The following SCN4B variants were observed in gnomAD, a reference collection of about 807,000 sequenced individuals.
SCN4B encodes the protein sodium channel regulatory subunit beta-4.
A neutral mutation model predicts 19.6 loss-of-function variants in SCN4B; 20 were observed. The ratio of observed to expected loss-of-function variants is 1.02; its 90% CI spans 0.72 to 1.48. SCN4B has a LOEUF of 1.48. Among genes scored for constraint, SCN4B ranks in the 40% most tolerant of loss-of-function variants. The pLI, the probability that SCN4B is intolerant of heterozygous loss-of-function variation, is 0.00. For missense variants in SCN4B, 271 were observed against 287.5 expected, an observed-to-expected ratio of 0.94 and a Z score of 0.42; for synonymous variants, 127 against 122.8, an observed-to-expected ratio of 1.03 and a Z score of -0.22.
intron 1 of SCN4B, among the ~76,000 whole-genome samples, chr11:118,147,940 C>G (rs531732409): frequency 1.3e-5 from 2 of 152,152 alleles, no homozygotes; most frequent in East Asian, 3.8e-4. Context: ...AAGATGCGTG[C>G]GAAAAGGAAA....
intron 4 of SCN4B, among the ~76,000 whole-genome samples, chr11:118,139,992 C>T (rs1281199222): frequency 6.6e-6 from 1 of 151,636 alleles, no homozygotes; most frequent in African/African-American, 2.4e-5. Flanking sequence ...CCTGCCTCAG[C>T]CCCCCAGGGA....
rs1565452475 is a variant in SCN4B at position 118,136,043 on chromosome 11, G to GGGGC, written c.*983_*984insGCCC. 4.6e-6 allele frequency: 2 copies of GGGGC among 438,512 alleles called. No homozygotes were observed. The highest frequency in any genetic ancestry group is 1.4e-4 in the East Asian group (2 of 14,140). 27.2% of individuals were successfully genotyped at this position (438,512 alleles called of 1,614,324 possible). On this transcript the variant is annotated 3_prime_UTR_variant, in exon 5 of 5. Coordinates refer to ENST00000324727, the MANE Select transcript of SCN4B (RefSeq NM_174934.4). ...GGCGTGATGGAGGGCACGGTGGGGG[G>GGGGC]GGGGGAGCGAGCCAATGGGAGGTTG...
rs143446950 is a variant in SCN4B, at chr11:118,148,715, T to A, written c.62-3486A>T. The stretch of plus-strand genomic sequence containing the variant: ...ACAGGTAACCAGGGCACCCCTAGCT[T>A]CCCTGAATAACCAGTGTCAGCCAAG... On this transcript the variant is annotated intron_variant, in intron 1 of 4. Transcript: ENST00000324727. The surrounding 1 kb of genome is among the most constrained non-coding windows in gnomAD (Gnocchi z 4.0). 2.9e-3 allele frequency among the ~76,000 whole-genome samples: 436 copies of A among 152,306 alleles called. 3 individuals carry two copies. Among genetic ancestry groups the A allele is most frequent in the African/African-American group, 9.5e-3 (394 of 41,548 alleles).
Position 118,133,817 on chromosome 11 carries a change from G to A in SCN4B, c.*3210C>T. ...TGTGACACTGAGATGAAGTCATGGA[G>A]TGACGGAATGCAGGAGCACGGCTGG... On this transcript the variant is annotated 3_prime_UTR_variant, in exon 5 of 5. Coordinates refer to ENST00000324727, the MANE Select transcript of SCN4B (RefSeq NM_174934.4). 2.2e-6 allele frequency: 1 copy of A among 454,540 alleles called. No individual in the cohort carries two copies. The highest frequency in any genetic ancestry group is 4.4e-6 in the Non-Finnish European group (1 of 226,804). The allele number at this position is 454,540 out of a possible 1,614,324, so 28.2% of individuals were successfully genotyped here. A position where few individuals can be genotyped will look rare whatever the true frequency, so the allele number is the denominator to read the frequency against.
chr11:118,137,454 T>G (rs919742828), intron 4 of SCN4B, among the ~76,000 whole-genome samples: 23 of 151,930 alleles, frequency 1.5e-4, no homozygotes, highest in Non-Finnish European at 3.1e-4. Context: ...GCAGATCACT[T>G]GAGGTCAGGA....
In SCN4B at chr11:118,134,380, C is replaced by T. The variant is rs1012793825; in HGVS notation, c.*2647G>A. 2.6e-5 allele frequency: 12 copies of T among 454,002 alleles called. No individual in the cohort carries two copies. The highest frequency in any genetic ancestry group is 4.4e-5 in the Non-Finnish European group (10 of 226,786). 28.1% of individuals were successfully genotyped at this position (454,002 alleles called of 1,614,324 possible). ...GAAGCCACCATCAGAGATTTGCATG[C>T]ACTGAGGTTCCACTTGGGGAAGATA... On this transcript the variant is annotated 3_prime_UTR_variant, in exon 5 of 5. Transcript: ENST00000324727.
At chr11:118,151,049 G>A (rs1398896093) in intron 1 of SCN4B, among the ~76,000 whole-genome samples, 1 of 152,104 alleles carries the variant, frequency 6.6e-6, no homozygotes, top group Non-Finnish European at 1.5e-5. Flanking sequence ...CAGCTGAACA[G>A]TCCTTGGAGA....
intron 4 of SCN4B, 23 bp downstream of exon 4, chr11:118,141,184 G>C (rs763115692): frequency 6.2e-7 from 1 of 1,612,734 alleles, no homozygotes; most frequent in Admixed American, 1.7e-5. Context: ...GGGAGGACAG[G>C]AGTGTGCTCC....
intron 1 of SCN4B, among the ~76,000 whole-genome samples, chr11:118,152,323 C>G (rs1948241716): frequency 6.6e-6 from 1 of 152,186 alleles, no homozygotes; most frequent in Non-Finnish European, 1.5e-5. Context: ...TGGAGACCCG[C>G]GCTGCAGCCC....
intron 1 of SCN4B, 47 bp downstream of exon 1, chr11:118,152,566 G>T (rs778581234): frequency 1.3e-6 from 2 of 1,495,784 alleles, no homozygotes; most frequent in Non-Finnish European, 1.9e-6. Context: ...CCCCTTCTTT[G>T]GGGGTGGGGG....
chr11:118,137,189 G>A, intron 4 of SCN4B, 69 bp from the exon 5 acceptor site: 1 of 1,196,220 alleles, frequency 8.4e-7, no homozygotes, highest in Non-Finnish European at 1.2e-6. Context: ...TGTGGCAGGA[G>A]CCGTGGGCCC....
At chr11:118,147,461 C>T (rs1291134687) in intron 1 of SCN4B, among the ~76,000 whole-genome samples, 7 of 152,236 alleles carry the variant, frequency 4.6e-5, no homozygotes, top group African/African-American at 1.7e-4. Context: ...GAATAAGCAG[C>T]GTTCAGATAT....
rs1356794532 is a variant in SCN4B, at chr11:118,145,233, T to C, written c.62-4A>G. ...GTTACGGGGAGCAGGAAGAGGCCTG[T>C]GTAAGGAGCACCGCCTCCCTTAATA... On this transcript the variant is annotated splice_polypyrimidine_tract_variant and splice_region_variant and intron_variant, in intron 1 of 4. Transcript: ENST00000324727. 12 of 1,613,446 alleles carry C rather than the reference T, an allele frequency of 7.4e-6. No individual in the cohort carries two copies. The highest frequency in any genetic ancestry group is 2.7e-5 in the African/African-American group (2 of 74,824).
In SCN4B at chr11:118,134,656, A is replaced by C. The variant is rs1242710503; in HGVS notation, c.*2371T>G. ...AAGGTTTCTAATATTGCAAAGACTA[A>C]ATAATTCCAAGGGGGGTGGGATGGA... On this transcript the variant is annotated 3_prime_UTR_variant, in exon 5 of 5. Coordinates refer to ENST00000324727, the MANE Select transcript of SCN4B (RefSeq NM_174934.4). 2.2e-6 allele frequency: 1 copy of C among 454,090 alleles called. No homozygotes were observed. Among genetic ancestry groups the C allele is most frequent in the Admixed American group, 2.3e-5 (1 of 42,574 alleles). 28.1% of individuals were successfully genotyped at this position (454,090 alleles called of 1,614,324 possible).
At position 118,136,593 on chromosome 11, in the gene SCN4B, A is replaced by G. The variant is rs886047729; in HGVS notation, c.*434T>C. ...GCCTCCAGCCCACTCCCACCTCCAA[A>G]GGAAGCCACTTCTTCCTACACCCCA... On this transcript the variant is annotated 3_prime_UTR_variant, in exon 5 of 5. Transcript: ENST00000324727. 8.8e-6 allele frequency: 4 copies of G among 454,462 alleles called. No homozygotes were observed. Among genetic ancestry groups the G allele is most frequent in the Non-Finnish European group, 1.8e-5 (4 of 227,224 alleles). The allele number at this position is 454,462 out of a possible 1,614,324, so 28.2% of individuals were successfully genotyped here.
intron 4 of SCN4B, 149 bp downstream of exon 4, chr11:118,141,058 T>C (rs1390898083): frequency 1.2e-6 from 1 of 818,920 alleles, no homozygotes; most frequent in Non-Finnish European, 2.0e-6. Flanking sequence ...GGCTGAGAGA[T>C]GGGGAGGGGG....
Position 118,152,654 on chromosome 11 carries a change from C to G in SCN4B, c.20G>C (p.Gly7Ala). 1 of 1,611,334 alleles carries G rather than the reference C, an allele frequency of 6.2e-7. No homozygotes were observed. Among genetic ancestry groups the G allele is most frequent in the Non-Finnish European group, 8.5e-7 (1 of 1,178,494 alleles). ...CAGCCATCTCGCCGGGGCTTTGCCT[C>G]CGTCCCCAGCCCCGGGCATAGTCCT... MPGAGD[G>A]GKAPARWLGT... Residue 7 changes from glycine to alanine, a missense_variant, in exon 1 of 5, where the codon GGA becomes GCA. Transcript: ENST00000324727.
intron 4 of SCN4B, among the ~76,000 whole-genome samples, chr11:118,140,745 A>G (rs1353745964): frequency 1.3e-5 from 2 of 151,864 alleles, no homozygotes; most frequent in African/African-American, 4.8e-5. Context: ...TTAAAACATC[A>G]CCTCCATCTG....
rs770889913 is a variant in SCN4B at position 118,134,551 on chromosome 11, GC to G, written c.*2475del. ...CCCACGCATGGGGGCAACCAAAAATGCCCCCCCTACAATCTCAGTCACCTCT... is the reference window on the plus strand; with the variant it reads ...CCCACGCATGGGGGCAACCAAAAATGCCCCCCTACAATCTCAGTCACCTCT... On this transcript the variant is annotated 3_prime_UTR_variant, in exon 5 of 5. Coordinates refer to ENST00000324727, the MANE Select transcript of SCN4B (RefSeq NM_174934.4). The G allele has an allele frequency of 2.2e-6, 1 of 453,852 alleles. No individual in the cohort carries two copies. The highest frequency in any genetic ancestry group is 4.4e-6 in the Non-Finnish European group (1 of 226,762). 28.1% of individuals were successfully genotyped at this position (453,852 alleles called of 1,614,324 possible).
Sources: allele counts gnomAD v4.1 joint callset (sites outside exome capture counted in the v4.1 genomes callset), GRCh38; gene constraint gnomAD v4.1.1; non-coding constraint Gnocchi (gnomAD v3.1); transcripts MANE v1.5; gene names NCBI Gene and HGNC (gene_info 2026-07-23, HGNC 2026-07-21).